Variants in USP14 observed in about 807,000 individuals in gnomAD.
The protein encoded by USP14 is ubiquitin specific peptidase 14, also known as ubiquitin carboxyl-terminal hydrolase 14.
A neutral mutation model predicts 76.5 loss-of-function variants in USP14; 38 were observed. The observed-to-expected ratio is 0.50, with a 90% CI of 0.38 to 0.65. USP14 has a LOEUF of 0.65. Ranked by LOEUF, USP14 falls within the 30% of genes least tolerant of loss-of-function variation. The probability of loss-of-function intolerance (pLI) is 0.00; values close to 1 mark genes in which losing one functional copy is unlikely to be tolerated. For missense variants in USP14, 467 were observed against 586.5 expected (o/e 0.80, Z 2.10); for synonymous variants, 192 against 191.7 (o/e 1.00, Z -0.01).
intron 3 of USP14, among the ~76,000 whole-genome samples, chr18:174,665 C>A (rs1568418074): frequency 6.7e-6 from 1 of 150,176 alleles, no homozygotes; most frequent in South Asian, 2.1e-4. Context: ...AGTGCAGTGG[C>A]ACAATCATAG....
chr18:204,454 T>G, intron 12 of USP14, 110 bp from the exon 13 acceptor site: 1 of 1,027,324 alleles, frequency 9.7e-7, no homozygotes, highest in Non-Finnish European at 1.3e-6. Flanking sequence ...TTCACAGATT[T>G]TATTTTCAAC....
chr18:198,210 T>C lies in USP14; in HGVS notation c.761+78T>C, dbSNP rs1910292707. ...ATAAATAGCATCATTGGCTGATTGA[T>C]TGGTGGTGGGTAGAAGAAAAATTCT... On this transcript the variant is annotated intron_variant, in intron 9 of 15. Coordinates refer to ENST00000261601, the MANE Select transcript of USP14 (RefSeq NM_005151.4). 11 of 1,290,542 alleles carry C rather than the reference T, an allele frequency of 8.5e-6. No individual in the cohort carries two copies. The Admixed American group carries it at 1.1e-4, about 13-fold the overall frequency. The allele number at this position is 1,290,542 out of a possible 1,614,324, so 79.9% of individuals were successfully genotyped here.
chr18:199,501 T>C (rs1028743227), intron 10 of USP14, among the ~76,000 whole-genome samples, 185 bp downstream of exon 10: 5 of 152,178 alleles, frequency 3.3e-5, no homozygotes, highest in African/African-American at 1.2e-4. Flanking sequence ...TTGTTTCAGC[T>C]TGGTAAACAA....
intron 2 of USP14, among the ~76,000 whole-genome samples, chr18:165,408 T>C (rs184979420): frequency 1.3e-4 from 20 of 152,332 alleles, no homozygotes; most frequent in African/African-American, 4.6e-4. Flanking sequence ...CCCCCGAAGG[T>C]ACAGTATGAA....
At chr18:171,021 AAAAAATATATATATATAT>A (rs1909433532) in intron 3 of USP14, among the ~76,000 whole-genome samples, 3 of 84,534 alleles carry the variant, frequency 3.5e-5, no homozygotes, top group South Asian at 8.8e-4. Flanking sequence ...AAAAAAAAAA[AAAAAATATATATATATAT>A]ATATATATAT....
At chr18:158,744 A>T in intron 1 of USP14, 30 bp downstream of exon 1, 4 of 1,480,314 alleles carry the variant, frequency 2.7e-6, no homozygotes, top group East Asian at 5.8e-5. Flanking sequence ...CGCGCGCAGC[A>T]CACCGGACCG....
At chr18:204,506 T>G in intron 12 of USP14, 58 bp from the exon 13 acceptor site, 1 of 1,356,336 alleles carries the variant, frequency 7.4e-7, no homozygotes, top group Non-Finnish European at 9.9e-7. Context: ...TATGTGATAC[T>G]TTAAATAAAT....
At chr18:167,100 T>G (rs1037466132) in intron 3 of USP14, among the ~76,000 whole-genome samples, 2 of 151,618 alleles carry the variant, frequency 1.3e-5, no homozygotes, top group African/African-American at 2.4e-5. Flanking sequence ...GAAAAAAAAA[T>G]TAGCTGGGTG....
At chr18:181,134 A>C (rs1598270399) in intron 5 of USP14, among the ~76,000 whole-genome samples, 1 of 152,134 alleles carries the variant, frequency 6.6e-6, no homozygotes, top group East Asian at 1.9e-4. Flanking sequence ...CATTTTATTT[A>C]TCCATTCATT....
chr18:213,704 T>C lies in USP14; in HGVS notation c.*2420T>C, dbSNP rs558768838. ...CCTTCTTCAGGATTAAAAACGATGATGACCTCATCTTAGAGCCCTAAAGGG... is the reference window on the plus strand; with the variant it reads ...CCTTCTTCAGGATTAAAAACGATGACGACCTCATCTTAGAGCCCTAAAGGG... On this transcript the variant is annotated 3_prime_UTR_variant, in exon 16 of 16. Coordinates refer to ENST00000261601, the MANE Select transcript of USP14 (RefSeq NM_005151.4). The C allele has an allele frequency of 2.0e-5, 3 of 152,516 alleles. No homozygotes were observed. The highest frequency in any genetic ancestry group is 2.9e-5 in the Non-Finnish European group (2 of 68,046). The allele number at this position is 152,516 out of a possible 1,614,324, so 9.4% of individuals were successfully genotyped here.
chr18:164,403 AT>A (rs61620947), intron 2 of USP14, among the ~76,000 whole-genome samples: 156 of 144,206 alleles, frequency 1.1e-3, no homozygotes, highest in Middle Eastern at 3.7e-3. Context: ...AAAACTGTTC[AT>A]TTTTTTTTTT....
chr18:166,802 A>T lies in USP14; in HGVS notation c.178A>T (p.Asn60Tyr). The T allele has an allele frequency of 6.2e-7, 1 of 1,612,490 alleles. No individual in the cohort carries two copies. The highest frequency in any genetic ancestry group is 1.1e-5 in the South Asian group (1 of 90,980). Residue 60 changes from asparagine (N) to tyrosine (Y), a missense_variant, in exon 3 of 16, where the codon AAC becomes TAC. Coordinates refer to ENST00000261601, the MANE Select transcript of USP14 (RefSeq NM_005151.4). ...TTTGAAACAGGATGATGATTGGGGA[A>T]ACATCAAAATAAAAAATGTAAGTAT... ...GGTLKDDDWGNIKIKNGMTLL... is the reference protein window; with the variant it reads ...GGTLKDDDWGYIKIKNGMTLL...
intron 5 of USP14, among the ~76,000 whole-genome samples, chr18:190,204 G>A (rs986504108): frequency 6.6e-6 from 1 of 151,960 alleles, no homozygotes; most frequent in African/African-American, 2.4e-5. Flanking sequence ...ATGAATATTT[G>A]GTTTATGTTC....
chr18:174,297 G>C (rs1256411451), intron 3 of USP14, among the ~76,000 whole-genome samples: 1 of 129,658 alleles, frequency 7.7e-6, no homozygotes, highest in Non-Finnish European at 1.6e-5. Context: ...AGACAGTCTT[G>C]CTCTGACGCC....
chr18:212,775 T>C lies in USP14; in HGVS notation c.*1491T>C, dbSNP rs962503454. 4.6e-5 allele frequency: 7 copies of C among 152,216 alleles called. No individual in the cohort carries two copies. The highest frequency in any genetic ancestry group is 1.4e-4 in the African/African-American group (6 of 41,464). The allele number at this position is 152,216 out of a possible 1,614,324, so 9.4% of individuals were successfully genotyped here. Reference sequence around the variant, plus strand: ...CCCTTGACTGATGCTAGGGAAAGGATAAAGCATAGAATACCAGCCAGTTTG... The same window carrying C: ...CCCTTGACTGATGCTAGGGAAAGGACAAAGCATAGAATACCAGCCAGTTTG... On this transcript the variant is annotated 3_prime_UTR_variant, in exon 16 of 16. Transcript: ENST00000261601.
chr18:186,485 G>A (rs1252602082), intron 5 of USP14, among the ~76,000 whole-genome samples: 1 of 152,144 alleles, frequency 6.6e-6, no homozygotes, highest in East Asian at 1.9e-4. Flanking sequence ...AGGAGCAGTG[G>A]CTCATGCTTG....
chr18:199,681 G>C (rs1910335766), intron 10 of USP14, among the ~76,000 whole-genome samples: 1 of 152,210 alleles, frequency 6.6e-6, no homozygotes, highest in Non-Finnish European at 1.5e-5. Context: ...ATACTTGTTA[G>C]AGAAGCTTCA....
chr18:185,860 ATTT>A (rs34807173), intron 5 of USP14, among the ~76,000 whole-genome samples: 4 of 125,050 alleles, frequency 3.2e-5, no homozygotes, highest in Admixed American at 8.2e-5. Flanking sequence ...TGCCCAGCTG[ATTT>A]TTTTTTTTTT....
intron 9 of USP14, among the ~76,000 whole-genome samples, chr18:198,776 T>TA (rs545300293): frequency 6.6e-6 from 1 of 152,044 alleles, no homozygotes; most frequent in South Asian, 2.1e-4. Context: ...ACTTTTAAAA[T>TA]AAAAAAAGAA....
Sources: allele counts gnomAD v4.1 joint callset (sites outside exome capture counted in the v4.1 genomes callset), GRCh38; gene constraint gnomAD v4.1.1; transcripts MANE v1.5; gene names NCBI Gene and HGNC (gene_info 2026-07-23, HGNC 2026-07-21).